NAV2: variants seen among roughly 807,000 people sequenced by gnomAD.
The protein encoded by NAV2 is helicase, APC down-regulated 1.
Under a neutral mutation model 223.2 loss-of-function variants are expected in NAV2, and 54 were observed. The ratio of observed to expected loss-of-function variants is 0.24; its 90% CI spans 0.19 to 0.30. The LOEUF is 0.30. Among genes scored for constraint, NAV2 ranks in the 10% least tolerant of loss-of-function variants. The probability of loss-of-function intolerance (pLI) is 1.00; values close to 1 mark genes in which losing one functional copy is unlikely to be tolerated. For missense variants in NAV2, 2,806 were observed against 3,147.5 expected (o/e 0.89, Z 2.60); for synonymous variants, 1,279 against 1,239.3 (o/e 1.03, Z -0.67).
chr11:19,822,672 A>AT (rs1171587522), intron 1 of NAV2, among the ~76,000 whole-genome samples: 3 of 152,328 alleles, frequency 2.0e-5, no homozygotes, highest in African/African-American at 7.2e-5. Context: ...GTTACTGCAG[A>AT]TAAAAAGAGA....
intron 1 of NAV2, among the ~76,000 whole-genome samples, chr11:19,546,858 A>G (rs1446528275): frequency 6.6e-6 from 1 of 152,206 alleles, no homozygotes; most frequent in African/African-American, 2.4e-5. Flanking sequence ...ATTTTCTCAC[A>G]TACAAAATAA....
intron 1 of NAV2, among the ~76,000 whole-genome samples, chr11:19,621,955 G>A (rs2047011721): frequency 1.3e-5 from 2 of 152,170 alleles, no homozygotes; most frequent in Admixed American, 6.5e-5. Context: ...GGTATGTTGT[G>A]TCTTTGTTCT....
At chr11:19,757,759 T>C (rs536086942) in intron 1 of NAV2, among the ~76,000 whole-genome samples, 23 of 152,310 alleles carry the variant, frequency 1.5e-4, no homozygotes, top group Admixed American at 2.6e-4. Context: ...TTTTCATGGA[T>C]TGTCCTATTT....
At chr11:19,511,466 CA>C (rs1310503725) in intron 1 of NAV2, 1 of 152,058 alleles carries the variant, frequency 6.6e-6, no homozygotes, top group Admixed American at 6.6e-5. Flanking sequence ...TTTCTGGGGT[CA>C]GGGGTGATTA....
chr11:19,871,720 C>T (rs898690899), intron 4 of NAV2, among the ~76,000 whole-genome samples: 14 of 152,128 alleles, frequency 9.2e-5, no homozygotes, highest in African/African-American at 3.4e-4. Flanking sequence ...GGCAGCGGTC[C>T]CCCACCAGAC....
intron 10 of NAV2, among the ~76,000 whole-genome samples, chr11:19,963,053 C>T (rs1007033536): frequency 6.6e-6 from 1 of 152,180 alleles, no homozygotes; most frequent in Non-Finnish European, 1.5e-5. Context: ...GTGGTGTTGG[C>T]TCTATAGAGA....
chr11:19,749,645 C>T (rs2053645525), intron 1 of NAV2, among the ~76,000 whole-genome samples: 1 of 152,150 alleles, frequency 6.6e-6, no homozygotes, highest in Non-Finnish European at 1.5e-5. Flanking sequence ...ACCTACTTGT[C>T]ATGACTTAGA....
intron 1 of NAV2, among the ~76,000 whole-genome samples, chr11:19,823,746 C>T (rs1281055523): frequency 2.6e-5 from 4 of 152,098 alleles, no homozygotes; most frequent in African/African-American, 4.8e-5. Context: ...TTTATAGTGA[C>T]GTCCCTGGGG....
chr11:19,501,650 G>A (rs762159713), intron 1 of NAV2, among the ~76,000 whole-genome samples: 7 of 151,858 alleles, frequency 4.6e-5, no homozygotes, highest in South Asian at 2.1e-4. Flanking sequence ...ATGGTCCAAA[G>A]GGTGTGTTCT....
chr11:19,351,711 G>A (rs554463154), intron 1 of NAV2, among the ~76,000 whole-genome samples: 50 of 150,586 alleles, frequency 3.3e-4, no homozygotes, highest in African/African-American at 7.8e-4. Flanking sequence ...AGAACGGGGC[G>A]TGGCAAGGGT....
rs201669772 is a variant in NAV2 at position 19,385,753 on chromosome 11, C to CTTTTTTTTTTTTTTTTTTTT, written c.75+34733_75+34752dup. On this transcript the variant is annotated intron_variant, in intron 1 of 37. Coordinates refer to the NAV2 transcript ENST00000360655. ...CTCAACTGCTTTTTCAATATAGCTC[C>CTTTTTTTTTTTTTTTTTTTT]TTTTTTTTTTTTTTTTTTTTTTTTT... 2.0e-4 allele frequency among the ~76,000 whole-genome samples: 22 copies of CTTTTTTTTTTTTTTTTTTTT among 112,766 alleles called. 3 individuals are homozygous for CTTTTTTTTTTTTTTTTTTTT. The highest frequency in any genetic ancestry group is 5.8e-4 in the East Asian group (2 of 3,444). 74.0% of individuals were successfully genotyped at this position (112,766 alleles called of 152,430 possible).
upstream of NAV2, among the ~76,000 whole-genome samples, chr11:19,710,653 G>A (rs2049836529): frequency 6.6e-6 from 1 of 152,170 alleles, no homozygotes; most frequent in Admixed American, 6.5e-5. Flanking sequence ...TAGGGCCATG[G>A]GAATACTTTG....
intron 1 of NAV2, among the ~76,000 whole-genome samples, chr11:19,363,855 A>G (rs546332465): frequency 9.2e-5 from 14 of 152,320 alleles, no homozygotes; most frequent in African/African-American, 3.4e-4. Flanking sequence ...ACAGGAAATA[A>G]CTTGGAAAAT....
chr11:19,478,162 G>A (rs2702720), intron 1 of NAV2, among the ~76,000 whole-genome samples: 2,912 of 152,338 alleles, frequency 0.019, 84 homozygotes, highest in African/African-American at 0.067. Flanking sequence ...GCAGGTGCCA[G>A]GGGAGAGATA....
At chr11:19,372,183 T>TG (rs368524429) in intron 1 of NAV2, among the ~76,000 whole-genome samples, 2 of 152,208 alleles carry the variant, frequency 1.3e-5, no homozygotes, top group South Asian at 2.1e-4. Context: ...ATGTTTCTCT[T>TG]GGGGCAAGTC....
intron 6 of NAV2, among the ~76,000 whole-genome samples, chr11:19,906,086 C>A (rs191965831): frequency 6.6e-6 from 1 of 152,236 alleles, no homozygotes; most frequent in East Asian, 1.9e-4. Context: ...CTCGGCTGGG[C>A]CTGCTCCTAT....
chr11:19,809,607 T>A (rs911288148), intron 1 of NAV2, among the ~76,000 whole-genome samples: 3 of 152,224 alleles, frequency 2.0e-5, no homozygotes, highest in Admixed American at 6.5e-5. Context: ...ATTTCCTTAG[T>A]TTTTACCTAA....
At chr11:20,107,635 T>G (rs2062257532) in intron 35 of NAV2, 29 bp from the exon 36 acceptor site, 2 of 1,551,068 alleles carry the variant, frequency 1.3e-6, no homozygotes, top group African/African-American at 1.4e-5. Context: ...CCCATTTGAG[T>G]GCTAATGTAT....
intron 32 of NAV2, 23 bp downstream of exon 32, chr11:20,101,195 G>A (rs759358331): frequency 6.3e-7 from 1 of 1,589,134 alleles, no homozygotes; most frequent in Non-Finnish European, 8.6e-7. Context: ...TTCTGAGTCT[G>A]CTGTATTTTT....
Sources: allele counts gnomAD v4.1 joint callset (sites outside exome capture counted in the v4.1 genomes callset), GRCh38; gene constraint gnomAD v4.1.1; transcripts MANE v1.5; gene names NCBI Gene and HGNC (gene_info 2026-07-23, HGNC 2026-07-21).